KCNJ3: variants seen among roughly 807,000 people sequenced by gnomAD.
KCNJ3 encodes the protein potassium inwardly rectifying channel subfamily J member 3.
In KCNJ3, 4 loss-of-function variants were observed where a neutral mutation model predicts 39.2. The observed-to-expected ratio is 0.10, with a 90% CI of 0.05 to 0.23. The LOEUF (loss-of-function observed/expected upper bound fraction) is 0.23. Among genes scored for constraint, KCNJ3 ranks in the 10% least tolerant of loss-of-function variants. The pLI, the probability that KCNJ3 is intolerant of heterozygous loss-of-function variation, is 1.00. For synonymous variants in KCNJ3, 230 were observed against 237.4 expected, an observed-to-expected ratio of 0.97 and a Z score of 0.29; for missense variants, 276 against 634.9, an observed-to-expected ratio of 0.43 and a Z score of 6.08.
intron 2 of KCNJ3, among the ~76,000 whole-genome samples, chr2:154,823,898 G>T (rs1021904093): frequency 6.6e-6 from 1 of 152,120 alleles, no homozygotes; most frequent in Admixed American, 6.6e-5. Flanking sequence ...CATAAAGGAA[G>T]TACTCATCAT....
chr2:154,764,988 ACTT>A (rs1487427881), intron 2 of KCNJ3, among the ~76,000 whole-genome samples: 1 of 152,158 alleles, frequency 6.6e-6, no homozygotes, highest in Admixed American at 6.5e-5. Context: ...CTACTTAAAA[ACTT>A]CTACACTTTA....
At chr2:154,781,961 C>CT (rs1686446991) in intron 2 of KCNJ3, among the ~76,000 whole-genome samples, 1 of 152,154 alleles carries the variant, frequency 6.6e-6, no homozygotes, top group Non-Finnish European at 1.5e-5. Context: ...GTTTTGAGTG[C>CT]TTAGAACTTT....
intron 2 of KCNJ3, among the ~76,000 whole-genome samples, chr2:154,775,949 T>C (rs1342818311): frequency 6.6e-6 from 1 of 152,070 alleles, no homozygotes; most frequent in Non-Finnish European, 1.5e-5. Context: ...CATAGTAGTA[T>C]TTTTATTTTT....
At chr2:154,812,551 GA>G (rs1485084027) in intron 2 of KCNJ3, among the ~76,000 whole-genome samples, 2 of 152,092 alleles carry the variant, frequency 1.3e-5, no homozygotes, top group African/African-American at 4.8e-5. Context: ...AGACAAATTA[GA>G]AACTTTCTCA....
At chr2:154,787,082 G>A (rs1259086797) in intron 2 of KCNJ3, among the ~76,000 whole-genome samples, 2 of 152,088 alleles carry the variant, frequency 1.3e-5, no homozygotes, top group African/African-American at 2.4e-5. Flanking sequence ...AGAAAAAAAG[G>A]GTGTAAATTT....
intron 2 of KCNJ3, among the ~76,000 whole-genome samples, chr2:154,711,376 C>T (rs1377329733): frequency 1.3e-5 from 2 of 151,962 alleles, no homozygotes; most frequent in African/African-American, 2.4e-5. Flanking sequence ...TTTCATACAT[C>T]TGCTTATAGT....
At chr2:154,778,428 A>T (rs182808526) in intron 2 of KCNJ3, among the ~76,000 whole-genome samples, 1 of 152,296 alleles carries the variant, frequency 6.6e-6, no homozygotes, top group African/African-American at 2.4e-5. Context: ...TAAATGACAG[A>T]CTTCCATATG....
intron 2 of KCNJ3, among the ~76,000 whole-genome samples, chr2:154,747,957 A>G (rs753646495): frequency 4.0e-5 from 6 of 151,796 alleles, no homozygotes; most frequent in Non-Finnish European, 7.4e-5. Flanking sequence ...ACCAAACCCA[A>G]TGTTCTTCCT....
At chr2:154,803,052 G>T (rs972679517) in intron 2 of KCNJ3, among the ~76,000 whole-genome samples, 1 of 152,064 alleles carries the variant, frequency 6.6e-6, no homozygotes, top group African/African-American at 2.4e-5. Flanking sequence ...TAAGGAAATA[G>T]ATGAGAACAA....
chr2:154,796,945 G>A lies in KCNJ3; in HGVS notation c.920-57782G>A, dbSNP rs545233785. Reference sequence around the variant, plus strand: ...CCCATTTTATTCTAGACTCATTGTAGCCCATTCTATTCTAGGATTGCTGGC... The same window carrying A: ...CCCATTTTATTCTAGACTCATTGTAACCCATTCTATTCTAGGATTGCTGGC... On this transcript the variant is annotated intron_variant, in intron 2 of 2. Transcript: ENST00000295101. Among the ~76,000 whole-genome samples the A allele has an allele frequency of 7.9e-5, 12 of 152,196 alleles. 1 individual carries two copies. The South Asian group carries it at 1.9e-3, about 24-fold the overall frequency.
At chr2:154,854,255 T>G (rs1165263638) in intron 2 of KCNJ3, among the ~76,000 whole-genome samples, 1 of 152,172 alleles carries the variant, frequency 6.6e-6, no homozygotes, top group Non-Finnish European at 1.5e-5. Context: ...CAGGTATTGT[T>G]GACAGTGCTT....
At chr2:154,794,556 C>T (rs1000478257) in intron 2 of KCNJ3, among the ~76,000 whole-genome samples, 1 of 151,934 alleles carries the variant, frequency 6.6e-6, no homozygotes. Context: ...GAAAGAGATC[C>T]AGGAATAAAT....
At chr2:154,704,226 A>C (rs1684958224) in intron 1 of KCNJ3, among the ~76,000 whole-genome samples, 1 of 152,118 alleles carries the variant, frequency 6.6e-6, no homozygotes, top group Non-Finnish European at 1.5e-5. Context: ...ATAAAAAGTG[A>C]ACAGAAATTA....
chr2:154,744,189 C>T (rs534019603), intron 2 of KCNJ3, among the ~76,000 whole-genome samples: 2 of 151,660 alleles, frequency 1.3e-5, no homozygotes, highest in African/African-American at 4.8e-5. Context: ...GAATAATAAA[C>T]CCTACTTGGT....
intron 2 of KCNJ3, among the ~76,000 whole-genome samples, chr2:154,777,987 A>G (rs1686369499): frequency 6.6e-6 from 1 of 152,176 alleles, no homozygotes; most frequent in Non-Finnish European, 1.5e-5. Context: ...ATGCCAGAGT[A>G]GTGGATATTC....
At chr2:154,847,551 G>GA (rs1264695886) in intron 2 of KCNJ3, among the ~76,000 whole-genome samples, 1 of 150,810 alleles carries the variant, frequency 6.6e-6, no homozygotes, top group Non-Finnish European at 1.5e-5. Flanking sequence ...TAGATTTATG[G>GA]AAAAAACTAA....
At chr2:154,718,804 G>A (rs1447018376) in intron 2 of KCNJ3, among the ~76,000 whole-genome samples, 1 of 152,134 alleles carries the variant, frequency 6.6e-6, no homozygotes, top group Non-Finnish European at 1.5e-5. Flanking sequence ...CATTAATTGT[G>A]TGGGAGGCTG....
intron 1 of KCNJ3, among the ~76,000 whole-genome samples, chr2:154,704,344 T>A (rs1026824511): frequency 6.6e-6 from 1 of 151,908 alleles, no homozygotes; most frequent in Non-Finnish European, 1.5e-5. Flanking sequence ...TAGGAGGAAA[T>A]GTGCAAGTAG....
intron 2 of KCNJ3, among the ~76,000 whole-genome samples, chr2:154,720,160 T>C (rs1406642767): frequency 6.6e-6 from 1 of 152,044 alleles, no homozygotes; most frequent in Non-Finnish European, 1.5e-5. Context: ...CATCAGAATA[T>C]TGAGAAAATA....
Sources: allele counts gnomAD v4.1 joint callset (sites outside exome capture counted in the v4.1 genomes callset), GRCh38; gene constraint gnomAD v4.1.1; transcripts MANE v1.5; gene names NCBI Gene and HGNC (gene_info 2026-07-23, HGNC 2026-07-21).